Variants in HHIPL1 observed in about 807,000 individuals in gnomAD.
The protein encoded by HHIPL1 is HHIP-like protein 1.
Under a neutral mutation model 61.8 loss-of-function variants are expected in HHIPL1, and 43 were observed. The ratio of observed to expected loss-of-function variants is 0.70; its 90% CI spans 0.55 to 0.90. HHIPL1 has a LOEUF of 0.90. Ranked by LOEUF, HHIPL1 falls within the 40% of genes least tolerant of loss-of-function variation. The pLI, the probability that HHIPL1 is intolerant of heterozygous loss-of-function variation, is 0.00. For synonymous variants in HHIPL1, 482 were observed against 515.8 expected (o/e 0.93, Z 0.89); for missense variants, 1,056 against 1,157.7 (o/e 0.91, Z 1.28).
chr14:99,614,849 C>T, the HHIPL1 span, among the ~76,000 whole-genome samples: 1 of 151,986 alleles, frequency 6.6e-6, no homozygotes, highest in Admixed American at 6.6e-5. Flanking sequence ...TGTCCCGTAT[C>T]TAATGGGATA....
the HHIPL1 span, among the ~76,000 whole-genome samples, chr14:99,621,107 C>CT: frequency 1.3e-5 from 2 of 151,528 alleles, no homozygotes; most frequent in Admixed American, 6.6e-5. Flanking sequence ...GTTATGCCCA[C>CT]TTTTTTTTTG....
chr14:99,657,237 A>G lies in HHIPL1; in HGVS notation c.1046+94A>G, dbSNP rs149920314. On this transcript the variant is annotated intron_variant, in intron 3 of 8. Transcript: ENST00000330710. ...GGGTGAGTTCCTTCCTCGGCCAGGC[A>G]TTGTAGGGCAGGAGAAAAGGTTCTG... 1.1e-3 allele frequency: 1,513 copies of G among 1,406,714 alleles called. 22 individuals are homozygous for G. The East Asian group carries it at 0.033, about 31-fold the overall frequency. The allele number at this position is 1,406,714 out of a possible 1,614,324, so 87.1% of individuals were successfully genotyped here. A position where few individuals can be genotyped will look rare whatever the true frequency, so the allele number is the denominator to read the frequency against.
At chr14:99,608,053 G>T in the HHIPL1 span, among the ~76,000 whole-genome samples, 3 of 152,102 alleles carry the variant, frequency 2.0e-5, no homozygotes, top group Non-Finnish European at 4.4e-5. Context: ...GGAGTTTGTC[G>T]TCTTGTGGAG....
intron 6 of HHIPL1, among the ~76,000 whole-genome samples, chr14:99,665,445 C>A (rs2056228272): frequency 6.6e-6 from 1 of 152,152 alleles, no homozygotes; most frequent in South Asian, 2.1e-4. Context: ...ATCACCTCTT[C>A]CTTTTTTATT....
Position 99,668,898 on chromosome 14 carries a change from T to G in HHIPL1, c.1730+595T>G. The G allele has an allele frequency of 6.2e-7, 1 of 1,613,702 alleles. No homozygotes were observed. Among genetic ancestry groups the G allele is most frequent in the Non-Finnish European group, 8.5e-7 (1 of 1,179,614 alleles). On this transcript the variant is annotated intron_variant, in intron 7 of 8. Transcript: ENST00000330710. This position sits in a 1 kb window ranked among gnomAD's most constrained non-coding sequence, Gnocchi z 4.7. ...CTTCCGTGTGCAGCTCATTGACGTC[T>G]CAGCCGTTCATTTTACAGTGGTGGA...
chr14:99,631,080 C>G, the HHIPL1 span, among the ~76,000 whole-genome samples: 2 of 147,778 alleles, frequency 1.4e-5, no homozygotes, highest in African/African-American at 5.1e-5. Context: ...TTCTTTCTTT[C>G]TTTCTTTCTT....
chr14:99,675,184 C>A lies in HHIPL1; in HGVS notation c.1907C>A (p.Ala636Glu). 1.8e-6 allele frequency: 2 copies of A among 1,130,538 alleles called. No homozygotes were observed. The highest frequency in any genetic ancestry group is 2.2e-6 in the Non-Finnish European group (2 of 916,242). The allele number at this position is 1,130,538 out of a possible 1,614,324, so 70.0% of individuals were successfully genotyped here. A position where few individuals can be genotyped will look rare whatever the true frequency, so the allele number is the denominator to read the frequency against. The change falls in exon 9 of 9, where the codon GCG (alanine) becomes GAG (glutamate). Residue 636 changes from alanine to glutamate, a missense_variant. Physicochemically the swap from Ala to Glu is moderately radical, Grantham distance 107 (BLOSUM62 -1). Coordinates refer to ENST00000330710, the MANE Select transcript of HHIPL1 (RefSeq NM_001127258.3). The surrounding 1 kb of genome is among the most constrained non-coding windows in gnomAD (Gnocchi z 5.4). ...RRGRPTAAPP[A>E]PTPRPARPTQ... is the part of the protein sequence containing the mutation. ...GGGCGCCCCACGGCCGCTCCCCCCG[C>A]GCCAACCCCGCGGCCAGCGCGGCCC...
the HHIPL1 span, among the ~76,000 whole-genome samples, chr14:99,639,929 G>T: frequency 6.6e-6 from 1 of 152,198 alleles, no homozygotes; most frequent in African/African-American, 2.4e-5. Context: ...CAAAGTGCTA[G>T]GATTACAGAC....
intron 6 of HHIPL1, among the ~76,000 whole-genome samples, chr14:99,664,570 C>G (rs1392777749): frequency 6.6e-6 from 1 of 152,158 alleles, no homozygotes. Flanking sequence ...CTGGACAGCA[C>G]AGAGCCCGGA....
chr14:99,614,119 G>A, the HHIPL1 span, among the ~76,000 whole-genome samples: 4 of 152,086 alleles, frequency 2.6e-5, no homozygotes, highest in Non-Finnish European at 5.9e-5. Flanking sequence ...GATCAGGACC[G>A]GAAAATAGGA....
chr14:99,669,089 C>A (rs1391694094), intron 7 of HHIPL1: 10 of 1,431,562 alleles, frequency 7.0e-6, no homozygotes, highest in Non-Finnish European at 9.1e-6. Context: ...CTGTCCAGCC[C>A]TTCCTCAGCT....
chr14:99,638,769 A>G, the HHIPL1 span, among the ~76,000 whole-genome samples: 42 of 152,356 alleles, frequency 2.8e-4, no homozygotes, highest in South Asian at 8.1e-3. Context: ...GACACTTCTC[A>G]GCCCCAGGCC....
At chr14:99,669,363 C>T in intron 7 of HHIPL1, 1 of 993,880 alleles carries the variant, frequency 1.0e-6, no homozygotes, top group African/African-American at 1.7e-5. Context: ...ACGGACACAG[C>T]TTGTACTTGT....
chr14:99,664,946 C>T (rs1272889534), intron 6 of HHIPL1, among the ~76,000 whole-genome samples: 1 of 148,556 alleles, frequency 6.7e-6, no homozygotes, highest in Non-Finnish European at 1.5e-5. Context: ...CTGAGCTTCG[C>T]TCTTGTTGCC....
the HHIPL1 span, among the ~76,000 whole-genome samples, chr14:99,632,363 A>G: frequency 2.0e-5 from 3 of 152,172 alleles, no homozygotes; most frequent in African/African-American, 7.2e-5. Context: ...GGGGAAACCC[A>G]ATCCCTGTTC....
chr14:99,612,244 T>C, the HHIPL1 span, among the ~76,000 whole-genome samples: 1 of 152,286 alleles, frequency 6.6e-6, no homozygotes, highest in East Asian at 1.9e-4. Context: ...TCACTGACGA[T>C]GAGAGAAACT....
rs756945693 is a variant in HHIPL1, at chr14:99,652,209, T to C, written c.256-15T>C. On this transcript the variant is annotated splice_polypyrimidine_tract_variant and intron_variant, in intron 1 of 8. Coordinates refer to ENST00000330710, the MANE Select transcript of HHIPL1 (RefSeq NM_001127258.3). ...ACCTCCACAAAACATCTCTGAGCCA[T>C]TACTGTCTCTGCAGGAATGCTCGCC... 3 of 1,574,086 alleles carry C rather than the reference T, an allele frequency of 1.9e-6. No homozygotes were observed. Among genetic ancestry groups the C allele is most frequent in the Non-Finnish European group, 2.6e-6 (3 of 1,158,690 alleles).
chr14:99,651,823 G>A (rs73348552), intron 1 of HHIPL1, among the ~76,000 whole-genome samples: 7,894 of 152,164 alleles, frequency 0.052, 439 homozygotes, highest in African/African-American at 0.14. Context: ...GGGTGCGGAC[G>A]GGGTGGTCAG....
chr14:99,635,859 A>G, the HHIPL1 span, among the ~76,000 whole-genome samples: 3 of 151,618 alleles, frequency 2.0e-5, no homozygotes, highest in Middle Eastern at 3.4e-3. Flanking sequence ...TCACACATAT[A>G]TAAATGCGTT....
Sources: allele counts gnomAD v4.1 joint callset (sites outside exome capture counted in the v4.1 genomes callset), GRCh38; gene constraint gnomAD v4.1.1; non-coding constraint Gnocchi (gnomAD v3.1); transcripts MANE v1.5; gene names NCBI Gene and HGNC (gene_info 2026-07-23, HGNC 2026-07-21).